RBBP5: variants seen among roughly 807,000 people sequenced by gnomAD.
RBBP5 encodes the protein RB binding protein 5, histone lysine methyltransferase complex subunit.
Under a neutral mutation model 72.2 loss-of-function variants are expected in RBBP5, and 5 were observed. The observed-to-expected ratio is 0.07, with a 90% CI of 0.04 to 0.15. The LOEUF (loss-of-function observed/expected upper bound fraction) is 0.15. Among genes scored for constraint, RBBP5 ranks in the 10% least tolerant of loss-of-function variants. The pLI, the probability that RBBP5 is intolerant of heterozygous loss-of-function variation, is 1.00. For missense variants in RBBP5, 322 were observed against 652.2 expected, an observed-to-expected ratio of 0.49 and a Z score of 5.51; for synonymous variants, 209 against 237.2, an observed-to-expected ratio of 0.88 and a Z score of 1.09.
At chr1:205,119,052 T>C (rs1020322572) in intron 1 of RBBP5, among the ~76,000 whole-genome samples, 1 of 152,224 alleles carries the variant, frequency 6.6e-6, no homozygotes, top group Non-Finnish European at 1.5e-5. Flanking sequence ...GAGATTGTTA[T>C]CTTTCGGACC....
chr1:205,114,931 T>A lies in RBBP5; in HGVS notation c.76A>T (p.Met26Leu), dbSNP rs370754730. The stretch of plus-strand genomic sequence containing the variant: ...CTGTTAAAGGTGCAAGTCAAAGCCA[T>A]GCTGATACAATCCAAAGTTCCATCA... The part of the protein sequence containing the change: ...EADGTLDCIS[M>L]ALTCTFNRWG... Residue 26 changes from methionine (M) to leucine (L), a missense_variant, in exon 3 of 14, where the codon ATG (methionine) becomes TTG (leucine). Around this residue, in one of 6 missense-constraint regions of RBBP5, gnomAD observed 20 missense variants for 43.6 expected, o/e 0.46. Coordinates refer to ENST00000264515, the MANE Select transcript of RBBP5 (RefSeq NM_005057.4). 1.9e-5 allele frequency: 31 copies of A among 1,595,200 alleles called. No homozygotes were observed. The highest frequency in any genetic ancestry group is 2.7e-5 in the African/African-American group (2 of 74,646).
chr1:205,102,359 C>T lies in RBBP5; in HGVS notation c.523-650G>A, dbSNP rs531618799. Among the ~76,000 whole-genome samples the T allele has an allele frequency of 1.3e-4, 20 of 152,314 alleles. No individual in the cohort carries two copies. The South Asian group carries it at 2.7e-3, about 21-fold the overall frequency. Reference sequence around the variant, plus strand: ...GAGAAAGATTCTGACACATGCTACACACATGGGTGAAGCTTGAGGACATGA... The same window carrying T: ...GAGAAAGATTCTGACACATGCTACATACATGGGTGAAGCTTGAGGACATGA... On this transcript the variant is annotated intron_variant, in intron 5 of 13. Transcript: ENST00000264515.
chr1:205,091,441 C>T (rs1655346424), intron 13 of RBBP5: 1 of 152,352 alleles, frequency 6.6e-6, no homozygotes, highest in South Asian at 2.1e-4. Flanking sequence ...GGTCCTCATT[C>T]ACATAGAAAA....
rs1574704430 is a variant in RBBP5, at chr1:205,105,222, C to T, written c.219-54G>A. On this transcript the variant is annotated intron_variant, in intron 3 of 13. Coordinates refer to ENST00000264515, the MANE Select transcript of RBBP5 (RefSeq NM_005057.4). ...CATATTCTAAGTATATCATACCACT[C>T]TCATGAATAAACTGTGTAAGTCACA... is the stretch of plus-strand genomic sequence containing the variant. 4.5e-6 allele frequency: 7 copies of T among 1,565,102 alleles called. No homozygotes were observed. The East Asian group carries it at 1.6e-4, about 35-fold the overall frequency.
chr1:205,088,818 A>G lies in RBBP5; in HGVS notation c.1589-3T>C. 1 of 1,578,906 alleles carries G rather than the reference A, an allele frequency of 6.3e-7. No individual in the cohort carries two copies. The highest frequency in any genetic ancestry group is 2.3e-5 in the East Asian group (1 of 43,748). Reference sequence around the variant, plus strand: ...CAGTTCTGAGATTGCTCCTCCTGCTAAAGAGATTAGACACAAAAAGATTTC... The same window carrying G: ...CAGTTCTGAGATTGCTCCTCCTGCTGAAGAGATTAGACACAAAAAGATTTC... On this transcript the variant is annotated splice_region_variant and splice_polypyrimidine_tract_variant and intron_variant, in intron 13 of 13. Coordinates refer to ENST00000264515, the MANE Select transcript of RBBP5 (RefSeq NM_005057.4).
At chr1:205,091,817 AC>A (rs1340166864) in intron 13 of RBBP5, 5 of 152,234 alleles carry the variant, frequency 3.3e-5, no homozygotes, top group Non-Finnish European at 4.4e-5. Context: ...TTGAATCTAC[AC>A]ATACAACCCT....
chr1:205,121,702 C>A (rs978236246), intron 1 of RBBP5, among the ~76,000 whole-genome samples, 153 bp downstream of exon 1: 7 of 152,186 alleles, frequency 4.6e-5, no homozygotes, highest in African/African-American at 1.7e-4. Context: ...AGAAGGTGGG[C>A]TTCCTCCTCC....
At chr1:205,116,025 A>G (rs1376831471) in intron 1 of RBBP5, 142 bp from the exon 2 acceptor site, 1 of 1,542,578 alleles carries the variant, frequency 6.5e-7, no homozygotes, top group Non-Finnish European at 8.9e-7. Flanking sequence ...GGCCATACGG[A>G]TTTTCAAGAT....
chr1:205,095,483 C>T (rs1405765373), intron 12 of RBBP5, among the ~76,000 whole-genome samples: 1 of 152,144 alleles, frequency 6.6e-6, no homozygotes, highest in Non-Finnish European at 1.5e-5. Context: ...AAAGATTGGA[C>T]ACCCCTGGCT....
intron 13 of RBBP5, among the ~76,000 whole-genome samples, chr1:205,093,370 G>C (rs1406546980): frequency 2.8e-5 from 4 of 144,600 alleles, no homozygotes; most frequent in Admixed American, 7.2e-5. Flanking sequence ...CTAGGCAAGA[G>C]AATCACTTGA....
rs1319606055 is a variant in RBBP5, at chr1:205,088,779, G to A, written c.*8C>T. On this transcript the variant is annotated 3_prime_UTR_variant, in exon 14 of 14. Transcript: ENST00000264515. The stretch of plus-strand genomic sequence containing the variant: ...AAAGTGAGAAAGAATGAAGAACTTC[G>A]AAGGTCTTCATAACAGTTCTGAGAT... 6.9e-6 allele frequency: 11 copies of A among 1,593,270 alleles called. No individual in the cohort carries two copies. The highest frequency in any genetic ancestry group is 1.7e-4 in the Middle Eastern group (1 of 6,030).
intron 1 of RBBP5, among the ~76,000 whole-genome samples, chr1:205,118,583 C>T (rs989221282): frequency 8.5e-5 from 13 of 152,098 alleles, no homozygotes; most frequent in African/African-American, 2.4e-4. Context: ...GATCATGCCA[C>T]TGCACTCCAG....
intron 3 of RBBP5, among the ~76,000 whole-genome samples, chr1:205,107,806 C>T (rs886258640): frequency 2.0e-5 from 3 of 152,004 alleles, no homozygotes; most frequent in Non-Finnish European, 4.4e-5. Flanking sequence ...ATTAGCCAGG[C>T]ATGGTAGCAC....
Position 205,097,405 on chromosome 1 carries a change from A to AT in RBBP5, c.1097-11_1097-10insA. On this transcript the variant is annotated splice_polypyrimidine_tract_variant and intron_variant, in intron 10 of 13. Coordinates refer to ENST00000264515, the MANE Select transcript of RBBP5 (RefSeq NM_005057.4). ...TCTGCAGCATCAGCCCCTGCAGGACAGAAACACAGGAGATGTTTGAGAAGA... is the reference window on the plus strand; with the variant it reads ...TCTGCAGCATCAGCCCCTGCAGGACATGAAACACAGGAGATGTTTGAGAAGA... 1 of 1,552,226 alleles carries AT rather than the reference A, an allele frequency of 6.4e-7. No individual in the cohort carries two copies. The highest frequency in any genetic ancestry group is 8.7e-7 in the Non-Finnish European group (1 of 1,147,134).
Position 205,105,316 on chromosome 1 carries a change from C to G in RBBP5, c.219-148G>C, listed in dbSNP as rs903693496. On this transcript the variant is annotated intron_variant, in intron 3 of 13. Transcript: ENST00000264515. Reference sequence around the variant, plus strand: ...TTCCACGTATACTCAAATCCATAAGCTTTTCCAACTAGGCAATTAATAAGA... The same window carrying G: ...TTCCACGTATACTCAAATCCATAAGGTTTTCCAACTAGGCAATTAATAAGA... 3.8e-6 allele frequency: 3 copies of G among 795,306 alleles called. No individual in the cohort carries two copies. The African/African-American group carries it at 5.2e-5, about 14-fold the overall frequency. The allele number at this position is 795,306 out of a possible 1,614,324, so 49.3% of individuals were successfully genotyped here. A position where few individuals can be genotyped will look rare whatever the true frequency, so the allele number is the denominator to read the frequency against.
intron 13 of RBBP5, among the ~76,000 whole-genome samples, chr1:205,089,847 AT>A (rs1053373692): frequency 1.3e-4 from 20 of 151,996 alleles, no homozygotes; most frequent in African/African-American, 4.8e-4. Context: ...TTTTTTATTT[AT>A]TTTATTTATT....
intron 12 of RBBP5, among the ~76,000 whole-genome samples, chr1:205,096,011 G>A (rs914835200): frequency 2.0e-5 from 3 of 151,792 alleles, no homozygotes; most frequent in East Asian, 1.9e-4. Context: ...TGGCCAACAC[G>A]GCAAAACCCC....
chr1:205,098,844 CAAA>C (rs71147725), intron 10 of RBBP5, 142 bp downstream of exon 10: 4,036 of 281,842 alleles, frequency 0.014, no homozygotes, highest in Middle Eastern at 0.019. Context: ...AATTCCATCT[CAAA>C]AAAAAAAAAA....
At chr1:205,113,606 T>G (rs1316098497) in intron 3 of RBBP5, among the ~76,000 whole-genome samples, 1 of 151,998 alleles carries the variant, frequency 6.6e-6, no homozygotes, top group East Asian at 1.9e-4. Flanking sequence ...TGCACAACTC[T>G]GAATATATAA....
Sources: allele counts gnomAD v4.1 joint callset (sites outside exome capture counted in the v4.1 genomes callset), GRCh38; gene constraint gnomAD v4.1.1; regional missense constraint gnomAD v4.1.1; transcripts MANE v1.5; gene names NCBI Gene and HGNC (gene_info 2026-07-23, HGNC 2026-07-21).